Variants in NHSL1 observed in about 807,000 individuals in gnomAD.
NHSL1 encodes NHS-like protein 1.
In NHSL1, 48 loss-of-function variants were observed where a neutral mutation model predicts 95.0. The ratio of observed to expected loss-of-function variants is 0.51; its 90% confidence interval spans 0.40 to 0.64. The LOEUF is 0.64. Ranked by LOEUF, NHSL1 falls within the 30% of genes least tolerant of loss-of-function variation. NHSL1 has a pLI of 0.00. For synonymous variants in NHSL1, 783 were observed against 833.9 expected (o/e 0.94, Z 1.05); for missense variants, 1,971 against 2,077.7 (o/e 0.95, Z 1.00).
chr6:138,548,063 A>AC (rs1341188776), upstream of NHSL1, among the ~76,000 whole-genome samples: 4 of 151,962 alleles, frequency 2.6e-5, no homozygotes, highest in East Asian at 5.9e-4. Context: ...GCTCACTGCA[A>AC]CCCCCACCTC....
At chr6:138,519,889 T>C (rs1781604704) in intron 1 of NHSL1, among the ~76,000 whole-genome samples, 1 of 152,194 alleles carries the variant, frequency 6.6e-6, no homozygotes, top group African/African-American at 2.4e-5. Flanking sequence ...AGCCATCCCT[T>C]AAAAAGTTGA....
intron 1 of NHSL1, among the ~76,000 whole-genome samples, chr6:138,689,768 T>G (rs1785636196): frequency 6.6e-6 from 1 of 151,248 alleles, no homozygotes; most frequent in South Asian, 2.1e-4. Flanking sequence ...ATCTAAACTT[T>G]GCTCCCCATT....
chr6:138,551,804 G>T (rs1583399693), intron 1 of NHSL1, among the ~76,000 whole-genome samples: 1 of 152,128 alleles, frequency 6.6e-6, no homozygotes, highest in Admixed American at 6.5e-5. Context: ...GGGGAATATG[G>T]AACGCGGGTT....
Position 138,681,865 on chromosome 6 carries a change from C to T in NHSL1, c.96+10611G>A, listed in dbSNP as rs139243297. On this transcript the variant is annotated intron_variant, in intron 1 of 3. Transcript: ENST00000491526. The stretch of plus-strand genomic sequence containing the variant: ...AGCCCTCTGCATATTACTGATAACA[C>T]CTTTAACAATTTTTAATCATAACAG... Among the ~76,000 whole-genome samples the T allele has an allele frequency of 2.6e-5, 4 of 152,052 alleles. 1 individual carries two copies. The South Asian group carries it at 8.3e-4, about 32-fold the overall frequency.
intron 2 of NHSL1, among the ~76,000 whole-genome samples, chr6:138,479,600 C>T (rs910900827): frequency 6.6e-6 from 1 of 152,176 alleles, no homozygotes; most frequent in Admixed American, 6.5e-5. Context: ...AAACTTTAAA[C>T]TTATAAATTG....
At chr6:138,635,462 T>C (rs1185581950) in intron 1 of NHSL1, among the ~76,000 whole-genome samples, 2 of 152,054 alleles carry the variant, frequency 1.3e-5, no homozygotes, top group African/African-American at 2.4e-5. Context: ...CCAAGAAATA[T>C]ACAATACCAA....
intron 1 of NHSL1, among the ~76,000 whole-genome samples, chr6:138,581,265 G>C (rs1006830059): frequency 6.6e-6 from 1 of 152,062 alleles, no homozygotes; most frequent in Non-Finnish European, 1.5e-5. Context: ...TTTTGCACTC[G>C]TACTTTTCAA....
chr6:138,426,868 C>T (rs892504039), intron 7 of NHSL1, among the ~76,000 whole-genome samples: 1 of 152,134 alleles, frequency 6.6e-6, no homozygotes, highest in African/African-American at 2.4e-5. Context: ...AGCAGTCTGC[C>T]CTGATAAGAG....
At chr6:138,425,985 G>T (rs1176131091) in intron 7 of NHSL1, among the ~76,000 whole-genome samples, 1 of 152,160 alleles carries the variant, frequency 6.6e-6, no homozygotes, top group Non-Finnish European at 1.5e-5. Context: ...TTTCCTGTAG[G>T]TATTTCTTGT....
chr6:138,620,739 T>C (rs750956659), intron 1 of NHSL1, among the ~76,000 whole-genome samples: 46 of 152,176 alleles, frequency 3.0e-4, no homozygotes, highest in Non-Finnish European at 6.0e-4. Flanking sequence ...AATATAATAA[T>C]ACTTCTAACT....
intron 1 of NHSL1, among the ~76,000 whole-genome samples, chr6:138,670,611 A>G (rs1181846150): frequency 7.1e-6 from 1 of 141,796 alleles, no homozygotes; most frequent in Non-Finnish European, 1.5e-5. Flanking sequence ...GCTTGCAGTG[A>G]GCCGAGATCC....
intron 1 of NHSL1, among the ~76,000 whole-genome samples, chr6:138,527,441 A>G (rs1477816901): frequency 6.6e-6 from 1 of 152,188 alleles, no homozygotes; most frequent in Non-Finnish European, 1.5e-5. Flanking sequence ...AAAGAGTAAT[A>G]AGGCTTATGA....
Position 138,430,336 on chromosome 6 carries a change from G to T in NHSL1, c.3952+57C>A. On this transcript the variant is annotated intron_variant, in intron 6 of 7. Coordinates refer to ENST00000343505, the MANE Select transcript of NHSL1 (RefSeq NM_001144060.2). This position sits in a 1 kb window ranked among gnomAD's most constrained non-coding sequence, Gnocchi z 4.7. ...TGTGAGCATTCAACAACCCTATCTG[G>T]TTCAGCTGCATATGGGCAGAGGGCA... The T allele has an allele frequency of 7.0e-7, 1 of 1,430,186 alleles. No individual in the cohort carries two copies. Among genetic ancestry groups the T allele is most frequent in the Non-Finnish European group, 9.2e-7 (1 of 1,087,718 alleles). 88.6% of individuals were successfully genotyped at this position (1,430,186 alleles called of 1,614,324 possible).
chr6:138,538,306 T>C (rs966590959), intron 1 of NHSL1, among the ~76,000 whole-genome samples: 9 of 152,206 alleles, frequency 5.9e-5, no homozygotes, highest in African/African-American at 2.2e-4. Context: ...TGTGTTCATA[T>C]ACTTCATTTT....
At position 138,560,178 on chromosome 6, in the gene NHSL1, C is replaced by T. The variant is rs146379212; in HGVS notation, c.202+11532G>A. Among the ~76,000 whole-genome samples the T allele has an allele frequency of 3.1e-4, 47 of 152,296 alleles. 1 individual carries two copies. Among genetic ancestry groups the T allele is most frequent in the African/African-American group, 1.0e-3 (42 of 41,564 alleles). Reference sequence around the variant, plus strand: ...TTAGTTGGAGTTGGAACATAACCTTCGAGATTTCTAAAGTCAGTGGCATAA... The same window carrying T: ...TTAGTTGGAGTTGGAACATAACCTTTGAGATTTCTAAAGTCAGTGGCATAA... On this transcript the variant is annotated intron_variant, in intron 1 of 6. Coordinates refer to the NHSL1 transcript ENST00000427025.
At chr6:138,678,034 G>A (rs1002832007) in intron 1 of NHSL1, among the ~76,000 whole-genome samples, 1 of 152,200 alleles carries the variant, frequency 6.6e-6, no homozygotes, top group African/African-American at 2.4e-5. Flanking sequence ...GAGTATTGCA[G>A]AGCAGAGTAA....
At chr6:138,435,006 G>C (rs1775981612) in intron 5 of NHSL1, among the ~76,000 whole-genome samples, 1 of 152,148 alleles carries the variant, frequency 6.6e-6, no homozygotes, top group South Asian at 2.1e-4. Flanking sequence ...TAGCGAAGAT[G>C]ATCTATTTCC....
In NHSL1 at chr6:138,424,235, G is replaced by A. The variant is rs1490308950; in HGVS notation, c.4667C>T (p.Ala1556Val). Residue 1556 changes from alanine (A) to valine (V), a missense_variant, in exon 8 of 8, where the codon GCG (alanine) becomes GTG (valine). Transcript: ENST00000343505. This position sits in a 1 kb window ranked among gnomAD's most constrained non-coding sequence, Gnocchi z 5.9. ...AAEGCSLDGL[A>V]REEMDEGGLL... ...GCCGCCCTCGTCCATCTCCTCCCTC[G>A]CCAGTCCGTCCAGGGAACATCCCTC... The A allele has an allele frequency of 3.3e-6, 5 of 1,506,354 alleles. No homozygotes were observed. Among genetic ancestry groups the A allele is most frequent in the Non-Finnish European group, 4.4e-6 (5 of 1,127,956 alleles). The allele number at this position is 1,506,354 out of a possible 1,614,324, so 93.3% of individuals were successfully genotyped here. A position where few individuals can be genotyped will look rare whatever the true frequency, so the allele number is the denominator to read the frequency against.
At chr6:138,456,132 T>C (rs1777597666) in intron 3 of NHSL1, among the ~76,000 whole-genome samples, 2 of 152,148 alleles carry the variant, frequency 1.3e-5, no homozygotes, top group South Asian at 4.1e-4. Flanking sequence ...CCAGAACACC[T>C]CTGAGAGTGA....
Sources: gnomAD v4.1 joint callset for allele counts (sites outside exome capture counted in the v4.1 genomes callset) on GRCh38, gnomAD v4.1.1 for gene constraint, Gnocchi (gnomAD v3.1) non-coding constraint, MANE v1.5 for transcripts, NCBI Gene and HGNC (gene_info 2026-07-23, HGNC 2026-07-21) for gene names.